Variants in TM7SF3 observed in about 807,000 individuals in gnomAD.
TM7SF3 encodes transmembrane 7 superfamily member 3.
TM7SF3 carries 60 observed loss-of-function variants against 65.5 expected under a neutral mutation model. That is an observed-to-expected ratio of 0.92 (90% confidence interval 0.74 to 1.14). The LOEUF (loss-of-function observed/expected upper bound fraction) is 1.14, where lower values mean the gene tolerates loss of function less well. Among genes scored for constraint, TM7SF3 ranks in the 50% most tolerant of loss-of-function variants. The pLI, the probability that TM7SF3 is intolerant of heterozygous loss-of-function variation, is 0.00. For missense variants in TM7SF3, 623 were observed against 684.8 expected (o/e 0.91, Z 1.01); for synonymous variants, 264 against 259.6 (o/e 1.02, Z -0.16).
chr12:26,979,416 G>C (rs2136380974), intron 9 of TM7SF3: 1 of 201,172 alleles, frequency 5.0e-6, no homozygotes, highest in Admixed American at 5.3e-5. Flanking sequence ...GCGGATGGGA[G>C]TGGAGGTTGA....
At chr12:27,006,545 T>G (rs112072440) in intron 1 of TM7SF3, among the ~76,000 whole-genome samples, 1 of 152,192 alleles carries the variant, frequency 6.6e-6, no homozygotes, top group Non-Finnish European at 1.5e-5. Flanking sequence ...TCCCTTAAAA[T>G]GGTAATATTT....
At chr12:26,976,212 A>T (rs747801271) in intron 10 of TM7SF3, 48 bp downstream of exon 10, 1 of 1,367,080 alleles carries the variant, frequency 7.3e-7, no homozygotes, top group South Asian at 1.2e-5. Flanking sequence ...TCAGCTGAAC[A>T]CACAGGATAA....
intron 5 of TM7SF3, among the ~76,000 whole-genome samples, chr12:26,992,339 G>A (rs991696057): frequency 4.6e-5 from 7 of 151,892 alleles, no homozygotes; most frequent in Admixed American, 6.6e-5. Flanking sequence ...GCAGTGGCAC[G>A]ATCATCTCGG....
chr12:26,975,442 G>A (rs1021766720), intron 11 of TM7SF3, 54 bp downstream of exon 11: 18 of 1,590,832 alleles, frequency 1.1e-5, no homozygotes, highest in Admixed American at 3.4e-5. Flanking sequence ...TAGCATAGGT[G>A]GGTCAAGACT....
chr12:26,994,986 T>C (rs547530622), intron 5 of TM7SF3, among the ~76,000 whole-genome samples: 3 of 152,186 alleles, frequency 2.0e-5, no homozygotes, highest in Non-Finnish European at 4.4e-5. Context: ...CCATTCACAT[T>C]TCAGATTACC....
chr12:26,985,806 G>GTTT (rs149988617), intron 6 of TM7SF3, among the ~76,000 whole-genome samples: 915 of 52,866 alleles, frequency 0.017, 74 homozygotes, highest in Middle Eastern at 0.042. Context: ...TTTCTTTTTC[G>GTTT]TTTTTTTTTT....
rs1940761216 is a variant in TM7SF3, at chr12:26,999,888, C to G, written c.247-212G>C. ...GCATTCTTGAAAAATATACGATTGT[C>G]TTAGTTAAGGCTGCTATAACAAAGT... is the stretch of plus-strand genomic sequence containing the variant. On this transcript the variant is annotated intron_variant, in intron 2 of 11. Coordinates refer to ENST00000343028, the MANE Select transcript of TM7SF3 (RefSeq NM_016551.3). The G allele has an allele frequency of 2.0e-5, 10 of 504,024 alleles. No individual in the cohort carries two copies. The South Asian group carries it at 2.0e-4, about 10-fold the overall frequency. 31.2% of individuals were successfully genotyped at this position (504,024 alleles called of 1,614,324 possible).
At chr12:27,007,302 A>T (rs368385935) in intron 1 of TM7SF3, among the ~76,000 whole-genome samples, 7 of 152,360 alleles carry the variant, frequency 4.6e-5, no homozygotes, top group African/African-American at 1.7e-4. Flanking sequence ...GCCAGGAAAT[A>T]AAAGGGAGGG....
intron 1 of TM7SF3, among the ~76,000 whole-genome samples, chr12:27,011,244 G>A (rs1565472238): frequency 6.6e-6 from 1 of 152,210 alleles, no homozygotes; most frequent in East Asian, 1.9e-4. Context: ...CCTTGGTAAA[G>A]CATCATCAAT....
intron 6 of TM7SF3, among the ~76,000 whole-genome samples, chr12:26,984,155 T>C (rs748402913): frequency 6.6e-6 from 1 of 152,036 alleles, no homozygotes; most frequent in Non-Finnish European, 1.5e-5. Flanking sequence ...AACAGCCGGG[T>C]GCAGTGGCTC....
Position 27,013,091 on chromosome 12 carries a change from G to A in TM7SF3, c.91+987C>T, listed in dbSNP as rs537592497. ...ATGTTGCTTCTTGGCTCCCACAGGT[G>A]AATTTGAAGTGGCAATAGAACTTCG... On this transcript the variant is annotated intron_variant, in intron 1 of 11. Coordinates refer to ENST00000343028, the MANE Select transcript of TM7SF3 (RefSeq NM_016551.3). The A allele has an allele frequency of 4.2e-5, 7 of 167,996 alleles. No individual in the cohort carries two copies. The South Asian group carries it at 8.6e-4, about 21-fold the overall frequency. The allele number at this position is 167,996 out of a possible 1,614,324, so 10.4% of individuals were successfully genotyped here. A position where few individuals can be genotyped will look rare whatever the true frequency, so the allele number is the denominator to read the frequency against.
chr12:27,013,051 G>C (rs1230183348), intron 1 of TM7SF3: 1 of 181,796 alleles, frequency 5.5e-6, no homozygotes, highest in Non-Finnish European at 1.2e-5. Flanking sequence ...TACTCATAGG[G>C]AGCCAAGCCC....
At chr12:26,982,905 CTT>C in intron 6 of TM7SF3, 46 bp from the exon 7 acceptor site, 1 of 1,342,160 alleles carries the variant, frequency 7.5e-7, no homozygotes, top group Non-Finnish European at 1.0e-6. Flanking sequence ...CAATTTGATA[CTT>C]TGTATTAATA....
At position 26,990,461 on chromosome 12, in the gene TM7SF3, C is replaced by G. The variant is rs1177487913; in HGVS notation, c.857G>C (p.Cys286Ser). Residue 286 changes from cysteine to serine, a missense_variant, in exon 6 of 12, where the codon TGT becomes TCT. Cys to Ser is a moderately radical substitution (Grantham distance 112). Transcript: ENST00000343028. Reference sequence around the variant, plus strand: ...AGCCACATACTCACCTAGGGAAGCACAACTACCCTCTCCTGCCTCAAAGCT... The same window carrying G: ...AGCCACATACTCACCTAGGGAAGCAGAACTACCCTCTCCTGCCTCAAAGCT... ...ACSFEAGEGS[C>S]ASLGRVSSKV... 1.2e-6 allele frequency: 2 copies of G among 1,613,024 alleles called. No homozygotes were observed. Among genetic ancestry groups the G allele is most frequent in the East Asian group, 4.5e-5 (2 of 44,878 alleles).
chr12:27,013,591 A>T (rs1941329824), intron 1 of TM7SF3, among the ~76,000 whole-genome samples: 1 of 152,196 alleles, frequency 6.6e-6, no homozygotes, highest in South Asian at 2.1e-4. Flanking sequence ...AAGCCTCATT[A>T]TGGGTTCATT....
At chr12:26,985,621 CAAAAAAAAAAAAAAAAAAAA>C (rs544145636) in intron 6 of TM7SF3, among the ~76,000 whole-genome samples, 2 of 61,066 alleles carry the variant, frequency 3.3e-5, no homozygotes, top group African/African-American at 1.4e-4. Context: ...GTGAGACTGT[CAAAAAAAAAAAAAAAAAAAA>C]AAAAAAAAAA....
At chr12:26,997,057 G>A (rs1940629735) in intron 3 of TM7SF3, among the ~76,000 whole-genome samples, 195 bp from the exon 4 acceptor site, 1 of 152,212 alleles carries the variant, frequency 6.6e-6, no homozygotes, top group South Asian at 2.1e-4. Flanking sequence ...CAGGGCCCTA[G>A]AGCAGGGCAG....
intron 6 of TM7SF3, among the ~76,000 whole-genome samples, chr12:26,985,495 C>T (rs1277837208): frequency 6.6e-6 from 1 of 151,028 alleles, no homozygotes; most frequent in African/African-American, 2.4e-5. Flanking sequence ...TGTGGTGGTA[C>T]ACGCCTATAA....
At chr12:26,975,909 T>C in intron 10 of TM7SF3, 1 of 537,104 alleles carries the variant, frequency 1.9e-6, no homozygotes, top group Admixed American at 3.5e-5. Context: ...ATGAAGGAAC[T>C]TCAACAATAA....
Sources: gnomAD v4.1 joint callset for allele counts (sites outside exome capture counted in the v4.1 genomes callset) on GRCh38, gnomAD v4.1.1 for gene constraint, MANE v1.5 for transcripts, NCBI Gene and HGNC (gene_info 2026-07-23, HGNC 2026-07-21) for gene names.